KLHL36: variants seen among roughly 807,000 people sequenced by gnomAD.
KLHL36 encodes kelch like family member 36, also known as kelch-like protein 36.
In KLHL36, 35 loss-of-function variants were observed where a neutral mutation model predicts 53.3. The observed-to-expected ratio is 0.66, with a 90% CI of 0.50 to 0.87. KLHL36 has a LOEUF of 0.87. Among genes scored for constraint, KLHL36 ranks in the 40% least tolerant of loss-of-function variants. The pLI, the probability that KLHL36 is intolerant of heterozygous loss-of-function variation, is 0.00. For synonymous variants in KLHL36, 472 were observed against 398.9 expected (o/e 1.18, Z -2.18); for missense variants, 864 against 897.6 (o/e 0.96, Z 0.48).
At chr16:84,658,879 G>C (rs574382939) in intron 3 of KLHL36, 2 of 152,128 alleles carry the variant, frequency 1.3e-5, no homozygotes, top group African/African-American at 4.8e-5. Flanking sequence ...CTCCAAGGTC[G>C]AAGTGTCACC....
In KLHL36 at chr16:84,661,992, C is replaced by T. The variant is rs1011654409; in HGVS notation, c.1710C>T (p.Arg570=). Residue 570 remains arginine, a synonymous_variant, in exon 5 of 5, where the codon CGC becomes CGT. Transcript: ENST00000564996. The surrounding 1 kb of genome is among the most constrained non-coding windows in gnomAD (Gnocchi z 7.9). ...AFSKTVQVYD[R]EADKWSRGVD... ...CCAAGACCGTGCAGGTGTACGACCG[C>T]GAGGCCGACAAGTGGAGCAGGGGCG... 2.4e-5 allele frequency: 39 copies of T among 1,594,912 alleles called. No homozygotes were observed. The highest frequency in any genetic ancestry group is 8.0e-5 in the African/African-American group (6 of 74,938).
At position 84,661,605 on chromosome 16, in the gene KLHL36, C is replaced by A; in HGVS notation, c.1323C>A (p.Ile441=). The change falls in exon 5 of 5, where the codon ATC becomes ATA. Residue 441 remains isoleucine, a synonymous_variant. Coordinates refer to ENST00000564996, the MANE Select transcript of KLHL36 (RefSeq NM_024731.4). The surrounding 1 kb of genome is among the most constrained non-coding windows in gnomAD (Gnocchi z 7.9). The part of the protein sequence containing the change: ...PRFTYGHAGT[I]YKDFVYISGG... ...TCACGTACGGCCACGCGGGCACCAT[C>A]TACAAAGACTTCGTGTACATCTCGG... 3.1e-6 allele frequency: 5 copies of A among 1,605,484 alleles called. No individual in the cohort carries two copies. The highest frequency in any genetic ancestry group is 4.3e-6 in the Non-Finnish European group (5 of 1,174,888).
chr16:84,659,938 A>G (rs749051615), intron 4 of KLHL36, 21 bp downstream of exon 4: 12 of 1,595,418 alleles, frequency 7.5e-6, no homozygotes, highest in Non-Finnish European at 1.0e-5. Context: ...GCTTGGTGGA[A>G]GGTTCTCCAA....
intron 2 of KLHL36, among the ~76,000 whole-genome samples, chr16:84,651,425 C>T (rs1906871507): frequency 6.6e-6 from 1 of 152,146 alleles, no homozygotes; most frequent in Non-Finnish European, 1.5e-5. Context: ...CAGAGCCAGG[C>T]TACTGGGGGA....
In KLHL36 at chr16:84,657,504, G is replaced by C. The variant is rs781470535; in HGVS notation, c.697G>C (p.Glu233Gln). 6.2e-6 allele frequency: 10 copies of C among 1,609,046 alleles called. No individual in the cohort carries two copies. The highest frequency in any genetic ancestry group is 8.5e-6 in the Non-Finnish European group (10 of 1,179,886). ...EREAHARQVL[E>Q]NIHFPLIPKN... Reference sequence around the variant, plus strand: ...CGAGGCCCACGCCCGCCAGGTGCTGGAGAACATCCACTTCCCGCTCATCCC... The same window carrying C: ...CGAGGCCCACGCCCGCCAGGTGCTGCAGAACATCCACTTCCCGCTCATCCC... The change falls in exon 3 of 5, where the codon GAG becomes CAG. Residue 233 changes from glutamate to glutamine, a missense_variant. Transcript: ENST00000564996.
rs1907852740 is a variant in KLHL36 at position 84,666,706 on chromosome 16, GGTT to G, written c.*4577_*4579del. Reference sequence around the variant, plus strand: ...CAGAATCATTGTCCTTAGCTTTAGAGGTTGTTAATTTCTTGTTTTTAACATGAA... The same window carrying G: ...CAGAATCATTGTCCTTAGCTTTAGAGGTTAATTTCTTGTTTTTAACATGAA... On this transcript the variant is annotated 3_prime_UTR_variant, in exon 5 of 5. Transcript: ENST00000564996. The G allele has an allele frequency of 6.6e-6, 1 of 152,196 alleles. No individual in the cohort carries two copies. Among genetic ancestry groups the G allele is most frequent in the African/African-American group, 2.4e-5 (1 of 41,442 alleles). 9.4% of individuals were successfully genotyped at this position (152,196 alleles called of 1,614,324 possible).
At chr16:84,655,738 G>A (rs1217242977) in intron 2 of KLHL36, among the ~76,000 whole-genome samples, 1 of 149,840 alleles carries the variant, frequency 6.7e-6, no homozygotes, top group Non-Finnish European at 1.5e-5. Flanking sequence ...CCACATAGCT[G>A]CTAATACCTA....
In KLHL36 at chr16:84,657,960, G is replaced by T; in HGVS notation, c.1137+16G>T. ...GTGGATCAAGGTGAGATTAAAGCCA[G>T]ATTATTTCTTTTCTCTTGAGGACTC... On this transcript the variant is annotated intron_variant, in intron 3 of 4. Transcript: ENST00000564996. 1 of 1,488,250 alleles carries T rather than the reference G, an allele frequency of 6.7e-7. No individual in the cohort carries two copies. Among genetic ancestry groups the T allele is most frequent in the South Asian group, 1.4e-5 (1 of 70,618 alleles). The allele number at this position is 1,488,250 out of a possible 1,614,324, so 92.2% of individuals were successfully genotyped here. A position where few individuals can be genotyped will look rare whatever the true frequency, so the allele number is the denominator to read the frequency against.
At chr16:84,651,969 A>G (rs1906911436) in intron 2 of KLHL36, among the ~76,000 whole-genome samples, 1 of 152,192 alleles carries the variant, frequency 6.6e-6, no homozygotes, top group African/African-American at 2.4e-5. Context: ...TACAGATTCT[A>G]AAAGAAAAAC....
chr16:84,652,757 G>A (rs1247975261), intron 2 of KLHL36, among the ~76,000 whole-genome samples: 2 of 152,200 alleles, frequency 1.3e-5, no homozygotes, highest in African/African-American at 4.8e-5. Flanking sequence ...TGTCTAAACG[G>A]GATCCGAGGT....
chr16:84,650,714 G>C, intron 1 of KLHL36, 138 bp from the exon 2 acceptor site: 2 of 620,514 alleles, frequency 3.2e-6, no homozygotes, highest in Non-Finnish European at 5.7e-6. Flanking sequence ...AGAGTTCTTT[G>C]TAGTGCACGG....
chr16:84,651,046 C>T, intron 2 of KLHL36, 116 bp downstream of exon 2: 1 of 811,510 alleles, frequency 1.2e-6, no homozygotes, highest in Non-Finnish European at 2.0e-6. Context: ...TGTCAGTCTC[C>T]TTAATGACAA....
rs1018917332 is a variant in KLHL36 at position 84,662,900 on chromosome 16, A to G, written c.*767A>G. ...AAACGTTACAGGTAACCAAAAACGA[A>G]AAAAGGTATGAAGCTCTTTATACAT... On this transcript the variant is annotated 3_prime_UTR_variant, in exon 5 of 5. Transcript: ENST00000564996. 1 of 152,236 alleles carries G rather than the reference A, an allele frequency of 6.6e-6. No homozygotes were observed. Among genetic ancestry groups the G allele is most frequent in the Non-Finnish European group, 1.5e-5 (1 of 68,046 alleles). 9.4% of individuals were successfully genotyped at this position (152,236 alleles called of 1,614,324 possible).
rs562290224 is a variant in KLHL36, at chr16:84,661,310, T to A, written c.1296-268T>A. ...GTGATGGTCCTGTGATTATTCCCAT[T>A]TCCCAGATGGGGCAAGGGAGACTCA... On this transcript the variant is annotated intron_variant, in intron 4 of 4. Coordinates refer to ENST00000564996, the MANE Select transcript of KLHL36 (RefSeq NM_024731.4). The surrounding 1 kb of genome is among the most constrained non-coding windows in gnomAD (Gnocchi z 7.9). Among the ~76,000 whole-genome samples the A allele has an allele frequency of 1.3e-3, 192 of 152,284 alleles. No homozygotes were observed. The highest frequency in any genetic ancestry group is 2.2e-3 in the Non-Finnish European group (148 of 68,010).
chr16:84,659,852 G>T lies in KLHL36; in HGVS notation c.1230G>T (p.Ala410=), dbSNP rs777956919. The change falls in exon 4 of 5, where the codon GCG becomes GCT. Residue 410 remains alanine (A), a synonymous_variant. Transcript: ENST00000564996. Reference sequence around the variant, plus strand: ...TCGGCGGCCGGAATGAGAACGGAGCGCTCTCTTCAGTAGAGACGTACAGTC... The same window carrying T: ...TCGGCGGCCGGAATGAGAACGGAGCTCTCTCTTCAGTAGAGACGTACAGTC... The part of the protein sequence containing the change: ...VAIGGRNENG[A]LSSVETYSPK... 4.8e-5 allele frequency: 77 copies of T among 1,614,110 alleles called. 3 individuals carry two copies. The South Asian group carries it at 8.2e-4, about 17-fold the overall frequency.
intron 3 of KLHL36, 80 bp downstream of exon 3, chr16:84,658,024 C>T: frequency 4.7e-6 from 5 of 1,058,372 alleles, no homozygotes; most frequent in Non-Finnish European, 6.7e-6. Flanking sequence ...TTCCTTACCT[C>T]TCTGGGGCCT....
Position 84,665,157 on chromosome 16 carries a change from GC to G in KLHL36, c.*3026del, listed in dbSNP as rs1907770318. 6.6e-6 allele frequency: 1 copy of G among 152,148 alleles called. No individual in the cohort carries two copies. Among genetic ancestry groups the G allele is most frequent in the Non-Finnish European group, 1.5e-5 (1 of 68,016 alleles). The allele number at this position is 152,148 out of a possible 1,614,324, so 9.4% of individuals were successfully genotyped here. The stretch of plus-strand genomic sequence containing the variant: ...ATGAAGGCACAGGTGCTTGCAGGCT[GC>G]CATTTTGAGAGGGAAACAGCCACAC... On this transcript the variant is annotated 3_prime_UTR_variant, in exon 5 of 5. Coordinates refer to ENST00000564996, the MANE Select transcript of KLHL36 (RefSeq NM_024731.4).
At chr16:84,659,658 C>T (rs147426102) in intron 3 of KLHL36, 102 bp from the exon 4 acceptor site, 49 of 1,202,344 alleles carry the variant, frequency 4.1e-5, no homozygotes, top group African/African-American at 1.8e-4. Context: ...AAACATTCTC[C>T]GGGGTTGTGC....
Position 84,657,554 on chromosome 16 carries a change from C to A in KLHL36, c.747C>A (p.Val249=). The part of the protein sequence containing the change: ...LIPKNDLLHR[V]KPAVCSLLPK... ...CCAAGAACGACCTGCTGCACCGCGT[C>A]AAGCCGGCCGTGTGCTCGCTGCTGC... The change falls in exon 3 of 5, where the codon GTC becomes GTA. Residue 249 remains valine (V), a synonymous_variant. Coordinates refer to ENST00000564996, the MANE Select transcript of KLHL36 (RefSeq NM_024731.4). 6.2e-7 allele frequency: 1 copy of A among 1,610,652 alleles called. No individual in the cohort carries two copies. Among genetic ancestry groups the A allele is most frequent in the Non-Finnish European group, 8.5e-7 (1 of 1,179,886 alleles).
Sources: gnomAD v4.1 joint callset for allele counts (sites outside exome capture counted in the v4.1 genomes callset) on GRCh38, gnomAD v4.1.1 for gene constraint, Gnocchi (gnomAD v3.1) non-coding constraint, MANE v1.5 for transcripts, NCBI Gene and HGNC (gene_info 2026-07-23, HGNC 2026-07-21) for gene names.